Variants in ZYG11A observed in about 807,000 individuals in gnomAD.
The protein encoded by ZYG11A is protein zyg-11 homolog A.
In ZYG11A, 62 loss-of-function variants were observed where a neutral mutation model predicts 77.2. That is an observed-to-expected ratio of 0.80 (90% CI 0.65 to 0.99). ZYG11A has a LOEUF of 0.99. Among genes scored for constraint, ZYG11A ranks in the 50% least tolerant of loss-of-function variants. The probability of loss-of-function intolerance (pLI) is 0.00; values close to 1 mark genes in which losing one functional copy is unlikely to be tolerated. For missense variants in ZYG11A, 828 were observed against 896.8 expected (o/e 0.92, Z 0.98); for synonymous variants, 315 against 324.6 (o/e 0.97, Z 0.32).
rs1222037591 is a variant in ZYG11A at position 52,894,348 on chromosome 1, A to C, written c.*1391A>C. On this transcript the variant is annotated 3_prime_UTR_variant, in exon 14 of 14. Transcript: ENST00000371528. ...AGAGACTTTGCCAGAGAGTTCACGG[A>C]GTTTTCTTACCCCGCATGCTGACTA... The C allele has an allele frequency of 1.3e-5, 2 of 152,220 alleles. No homozygotes were observed. The highest frequency in any genetic ancestry group is 2.4e-5 in the African/African-American group (1 of 41,464). The allele number at this position is 152,220 out of a possible 1,614,324, so 9.4% of individuals were successfully genotyped here. A position where few individuals can be genotyped will look rare whatever the true frequency, so the allele number is the denominator to read the frequency against.
intron 1 of ZYG11A, among the ~76,000 whole-genome samples, chr1:52,850,162 C>G (rs1312364371): frequency 1.3e-5 from 2 of 151,876 alleles, no homozygotes; most frequent in Admixed American, 6.6e-5. Flanking sequence ...ATAATCCTAT[C>G]TGCTGTTTTT....
In ZYG11A at chr1:52,887,026, G is replaced by T; in HGVS notation, c.2077G>T (p.Ala693Ser). The stretch of plus-strand genomic sequence containing the variant: ...AGAGGTTCAGCTCTGGGCACTATGG[G>T]CTATGTATCATGTCTGCAGTAAAAA... ...QPEVQLWALW[A>S]MYHVCSKNPS... Residue 693 changes from alanine (A) to serine (S), a missense_variant, in exon 13 of 14, where the codon GCT (alanine) becomes TCT (serine). Ala to Ser is a moderately conservative substitution (Grantham distance 99). Transcript: ENST00000371528. 6.5e-7 allele frequency: 1 copy of T among 1,543,624 alleles called. No homozygotes were observed. The highest frequency in any genetic ancestry group is 8.8e-7 in the Non-Finnish European group (1 of 1,141,022).
intron 8 of ZYG11A, among the ~76,000 whole-genome samples, chr1:52,875,122 C>T (rs1042200624): frequency 2.0e-5 from 3 of 152,030 alleles, no homozygotes; most frequent in Admixed American, 6.6e-5. Flanking sequence ...TTTTAGAATC[C>T]AAGAGGAATG....
At chr1:52,863,617 T>TA (rs1444566925) in intron 4 of ZYG11A, among the ~76,000 whole-genome samples, 1 of 152,240 alleles carries the variant, frequency 6.6e-6, no homozygotes, top group Non-Finnish European at 1.5e-5. Flanking sequence ...ACAGTGTTAT[T>TA]ACTGTCACAA....
At chr1:52,852,759 C>T (rs1246245163) in intron 1 of ZYG11A, among the ~76,000 whole-genome samples, 1 of 152,174 alleles carries the variant, frequency 6.6e-6, no homozygotes, top group South Asian at 2.1e-4. Context: ...GTTCAAAATG[C>T]ATTTAAGACA....
At chr1:52,879,746 T>TCTTA (rs1245339584) in intron 10 of ZYG11A, among the ~76,000 whole-genome samples, 1 of 88,126 alleles carries the variant, frequency 1.1e-5, no homozygotes, top group Non-Finnish European at 2.4e-5. Flanking sequence ...CTTCCACTTT[T>TCTTA]CTTATTTATT....
intron 3 of ZYG11A, among the ~76,000 whole-genome samples, chr1:52,858,167 C>T (rs891738373): frequency 1.3e-5 from 2 of 149,352 alleles, no homozygotes; most frequent in African/African-American, 4.9e-5. Flanking sequence ...GAGGCCAAGG[C>T]GGGCAGATCA....
intron 10 of ZYG11A, among the ~76,000 whole-genome samples, chr1:52,880,869 G>A (rs1646351807): frequency 6.6e-6 from 1 of 152,200 alleles, no homozygotes; most frequent in Non-Finnish European, 1.5e-5. Flanking sequence ...TTGCAGCCCT[G>A]TGAGATCTCA....
At chr1:52,851,091 G>C (rs1645701138) in intron 1 of ZYG11A, among the ~76,000 whole-genome samples, 1 of 150,836 alleles carries the variant, frequency 6.6e-6, no homozygotes, top group Non-Finnish European at 1.5e-5. Context: ...GGCTGGAGTG[G>C]AGGGGCGCAA....
chr1:52,858,701 C>G (rs559879540), intron 3 of ZYG11A, among the ~76,000 whole-genome samples: 3 of 148,436 alleles, frequency 2.0e-5, no homozygotes, highest in East Asian at 4.2e-4. Context: ...CAACCTTCGC[C>G]TCCCGGGTTC....
chr1:52,868,270 C>T (rs1166090475), intron 8 of ZYG11A, among the ~76,000 whole-genome samples: 2 of 151,944 alleles, frequency 1.3e-5, no homozygotes, highest in African/African-American at 2.4e-5. Flanking sequence ...GGCCATACCT[C>T]CACATTTCTA....
chr1:52,881,271 T>C, intron 10 of ZYG11A, 200 bp from the exon 11 acceptor site: 1 of 464,460 alleles, frequency 2.2e-6, no homozygotes, highest in Non-Finnish European at 3.8e-6. Flanking sequence ...TAGTAAGTAC[T>C]TATTTAGTGA....
intron 1 of ZYG11A, among the ~76,000 whole-genome samples, chr1:52,847,093 T>C (rs887806481): frequency 3.3e-5 from 5 of 151,700 alleles, no homozygotes; most frequent in African/African-American, 1.2e-4. Flanking sequence ...GGTGTTTCGC[T>C]GTTGTTGCCC....
At chr1:52,843,064 A>G in intron 1 of ZYG11A, 91 bp downstream of exon 1, 1 of 1,178,124 alleles carries the variant, frequency 8.5e-7, no homozygotes, top group Non-Finnish European at 1.1e-6. Context: ...CTGCCGAGGC[A>G]CTTGCTGGGG....
intron 8 of ZYG11A, among the ~76,000 whole-genome samples, chr1:52,875,079 C>T (rs999327884): frequency 6.6e-6 from 1 of 151,636 alleles, no homozygotes; most frequent in Non-Finnish European, 1.5e-5. Context: ...AAGGAGCATC[C>T]AAAGTGCATT....
intron 11 of ZYG11A, among the ~76,000 whole-genome samples, chr1:52,883,142 G>C (rs1009234206): frequency 2.7e-4 from 41 of 151,500 alleles, no homozygotes; most frequent in African/African-American, 9.7e-4. Context: ...TTTGAGATAG[G>C]CTCTCACTCT....
intron 1 of ZYG11A, among the ~76,000 whole-genome samples, chr1:52,854,189 G>A (rs1645765453): frequency 6.6e-6 from 1 of 152,166 alleles, no homozygotes; most frequent in South Asian, 2.1e-4. Context: ...TATATAAGGA[G>A]ACTTGAGCAT....
At position 52,892,881 on chromosome 1, in the gene ZYG11A, C is replaced by T. The variant is rs1382339493; in HGVS notation, c.2204C>T (p.Ala735Val). 4 of 1,551,636 alleles carry T rather than the reference C, an allele frequency of 2.6e-6. No individual in the cohort carries two copies. The highest frequency in any genetic ancestry group is 3.5e-6 in the Non-Finnish European group (4 of 1,146,976). The change falls in exon 14 of 14, where the codon GCA becomes GTA. Residue 735 changes from alanine (A) to valine (V), a missense_variant. Transcript: ENST00000371528. ...SEATPKAQQI[A>V]ASILDDFRMH... The stretch of plus-strand genomic sequence containing the variant: ...GCAACCCCCAAAGCACAGCAGATTG[C>T]AGCCTCCATTCTGGATGACTTCAGA...
chr1:52,885,150 T>TC (rs1179421511), intron 11 of ZYG11A, among the ~76,000 whole-genome samples: 1 of 152,034 alleles, frequency 6.6e-6, no homozygotes, highest in African/African-American at 2.4e-5. Flanking sequence ...CCCCAGGTGA[T>TC]CTACCCGCCT....
Sources: gnomAD v4.1 joint callset for allele counts (sites outside exome capture counted in the v4.1 genomes callset) on GRCh38, gnomAD v4.1.1 for gene constraint, MANE v1.5 for transcripts, NCBI Gene and HGNC (gene_info 2026-07-23, HGNC 2026-07-21) for gene names.